The following TRPM4 variants were observed in gnomAD, a reference collection of about 807,000 sequenced individuals.
The protein encoded by TRPM4 is calcium-activated non-selective cation channel 1.
A neutral mutation model predicts 135.6 loss-of-function variants in TRPM4; 124 were observed. The ratio of observed to expected loss-of-function variants is 0.91; its 90% CI spans 0.79 to 1.06. The LOEUF (loss-of-function observed/expected upper bound fraction) is 1.06. Among genes scored for constraint, TRPM4 ranks in the 50% least tolerant of loss-of-function variants. The pLI, the probability that TRPM4 is intolerant of heterozygous loss-of-function variation, is 0.00. For missense variants in TRPM4, 1,658 were observed against 1,671.4 expected, an observed-to-expected ratio of 0.99 and a Z score of 0.14; for synonymous variants, 745 against 705.6, an observed-to-expected ratio of 1.06 and a Z score of -0.88.
chr19:49,178,979 C>T (rs1967810319), intron 9 of TRPM4, among the ~76,000 whole-genome samples: 1 of 151,608 alleles, frequency 6.6e-6, no homozygotes, highest in Non-Finnish European at 1.5e-5. Flanking sequence ...AGGGTGGTCT[C>T]GATCTCTTGA....
At position 49,166,234 on chromosome 19, in the gene TRPM4, G is replaced by A; in HGVS notation, c.267+19G>A. On this transcript the variant is annotated intron_variant, in intron 3 of 24. Transcript: ENST00000252826. ...CAGCAATGTGAGGCGGGCCTCTGTG[G>A]GCGGGGCCCGGGCACCAGGGGGCTG... 6.3e-7 allele frequency: 1 copy of A among 1,578,330 alleles called. No homozygotes were observed. Among genetic ancestry groups the A allele is most frequent in the Non-Finnish European group, 8.6e-7 (1 of 1,163,194 alleles).
At chr19:49,178,689 G>A (rs1459371649) in intron 9 of TRPM4, among the ~76,000 whole-genome samples, 1 of 152,134 alleles carries the variant, frequency 6.6e-6, no homozygotes, top group Non-Finnish European at 1.5e-5. Context: ...CCAGGGTCGA[G>A]TGCCCAGGTG....
rs182060421 is a variant in TRPM4 at position 49,190,487 on chromosome 19, G to C, written c.2132+167G>C. ...GGAGTGCTGTGGGAGGTGAGTTTTG[G>C]GGGGGATCCTCCCTGTGGTATCTCT... On this transcript the variant is annotated intron_variant, in intron 15 of 24. Transcript: ENST00000252826. Among the ~76,000 whole-genome samples, 638 of 126,014 alleles carry C rather than the reference G, an allele frequency of 5.1e-3. 2 individuals are homozygous for C. Among genetic ancestry groups the C allele is most frequent in the Middle Eastern group, 0.021 (5 of 236 alleles). The allele number at this position is 126,014 out of a possible 152,430, so 82.7% of individuals were successfully genotyped here.
chr19:49,195,617 G>T (rs1968601463), intron 16 of TRPM4, among the ~76,000 whole-genome samples: 1 of 151,566 alleles, frequency 6.6e-6, no homozygotes, highest in South Asian at 2.1e-4. Context: ...TGATCTGCCT[G>T]CCTCGGCCTC....
In TRPM4 at chr19:49,196,860, G is replaced by T; in HGVS notation, c.2631G>T (p.Leu877=). The part of the protein sequence containing the change: ...CDLVALTCFL[L]GVGCRLTPGL... ...TAGTGGCTCTCACCTGCTTCCTCCT[G>T]GGCGTGGGCTGCCGGTGAGTGCCCC... Residue 877 remains leucine (L), a synonymous_variant, in exon 17 of 25, where the codon CTG becomes CTT. Transcript: ENST00000252826. 6.3e-7 allele frequency: 1 copy of T among 1,583,656 alleles called. No individual in the cohort carries two copies. The highest frequency in any genetic ancestry group is 2.3e-5 in the East Asian group (1 of 43,930).
In TRPM4 at chr19:49,181,452, C is replaced by G. The variant is rs775519334; in HGVS notation, c.1254C>G (p.Ile418Met). 2.6e-5 allele frequency: 42 copies of G among 1,612,782 alleles called. No homozygotes were observed. The highest frequency in any genetic ancestry group is 3.5e-5 in the Non-Finnish European group (41 of 1,179,622). Reference sequence around the variant, plus strand: ...AGAGTGAACTCTTTCGGGGGGACATCCAATGGCGGGTGAGGGGTCAGGGCC... The same window carrying G: ...AGAGTGAACTCTTTCGGGGGGACATGCAATGGCGGGTGAGGGGTCAGGGCC... Reference protein sequence around the residue: ...IAQSELFRGDIQWRSFHLEAS... With the variant: ...IAQSELFRGDMQWRSFHLEAS... Residue 418 changes from isoleucine to methionine, a missense_variant, in exon 10 of 25, where the codon ATC (isoleucine) becomes ATG (methionine). Around this residue, in one of 3 missense-constraint regions of TRPM4, gnomAD observed 1,412 missense variants for 1,408.7 expected, o/e 1.00. Transcript: ENST00000252826.
At position 49,166,146 on chromosome 19, in the gene TRPM4, C is replaced by T. The variant is rs578008847; in HGVS notation, c.198C>T (p.His66=). Residue 66 remains histidine (H), a synonymous_variant, in exon 3 of 25, where the codon CAC becomes CAT. Coordinates refer to ENST00000252826, the MANE Select transcript of TRPM4 (RefSeq NM_017636.4). ...TGACCGTGTGGGACAGCGATGCACA[C>T]ACCACGGAGAAGCCCACCGATGCCT... The part of the protein sequence containing the change: ...AVVTVWDSDA[H]TTEKPTDAYG... 24 of 1,608,394 alleles carry T rather than the reference C, an allele frequency of 1.5e-5. No homozygotes were observed. The South Asian group carries it at 2.1e-4, about 14-fold the overall frequency.
chr19:49,185,323 A>C (rs538517431), intron 12 of TRPM4, among the ~76,000 whole-genome samples: 1 of 152,224 alleles, frequency 6.6e-6, no homozygotes, highest in South Asian at 2.1e-4. Flanking sequence ...ACCAAAGTTC[A>C]CTGCAACCTT....
chr19:49,204,864 TA>T (rs1222567632), intron 20 of TRPM4, among the ~76,000 whole-genome samples: 2 of 149,820 alleles, frequency 1.3e-5, no homozygotes, highest in African/African-American at 4.9e-5. Context: ...GCCCAGCGGC[TA>T]TTTTTTTTTT....
intron 9 of TRPM4, among the ~76,000 whole-genome samples, chr19:49,180,551 A>T (rs1967878220): frequency 6.7e-6 from 1 of 149,790 alleles, no homozygotes; most frequent in African/African-American, 2.5e-5. Context: ...CATACCTCCC[A>T]GTCCTGGTGG....
chr19:49,188,615 C>G (rs561734128), intron 12 of TRPM4, 26 bp from the exon 13 acceptor site: 2 of 1,614,190 alleles, frequency 1.2e-6, no homozygotes, highest in Non-Finnish European at 1.7e-6. Flanking sequence ...CTCTTTGACG[C>G]ATCCGTGCCC....
chr19:49,182,814 C>G lies in TRPM4; in HGVS notation c.1500C>G (p.Pro500=). Residue 500 remains proline (P), a synonymous_variant, in exon 11 of 25, where the codon CCC becomes CCG. Transcript: ENST00000252826. ...ALKGGAAELR[P]PDVGHVLRML... is the part of the protein sequence containing the mutation. The stretch of plus-strand genomic sequence containing the variant: ...AAGGGGGAGCTGCGGAGCTCCGGCC[C>G]CCTGACGTGGGGCATGTGCTGAGGA... The G allele has an allele frequency of 6.2e-7, 1 of 1,613,386 alleles. No homozygotes were observed. The highest frequency in any genetic ancestry group is 2.2e-5 in the East Asian group (1 of 44,872).
intron 9 of TRPM4, among the ~76,000 whole-genome samples, chr19:49,172,545 C>T (rs1188030295): frequency 2.7e-5 from 4 of 148,270 alleles, no homozygotes; most frequent in South Asian, 2.2e-4. Context: ...TCCATTCAGT[C>T]ATTCTTCCAT....
At position 49,182,814 on chromosome 19, in the gene TRPM4, C is replaced by A; in HGVS notation, c.1500C>A (p.Pro500=). Residue 500 remains proline, a synonymous_variant, in exon 11 of 25, where the codon CCC becomes CCA. Transcript: ENST00000252826. Reference sequence around the variant, plus strand: ...AAGGGGGAGCTGCGGAGCTCCGGCCCCCTGACGTGGGGCATGTGCTGAGGA... The same window carrying A: ...AAGGGGGAGCTGCGGAGCTCCGGCCACCTGACGTGGGGCATGTGCTGAGGA... The part of the protein sequence containing the change: ...ALKGGAAELR[P]PDVGHVLRML... 1.2e-6 allele frequency: 2 copies of A among 1,613,386 alleles called. No homozygotes were observed. The highest frequency in any genetic ancestry group is 1.7e-6 in the Non-Finnish European group (2 of 1,179,800).
At chr19:49,189,117 C>T in intron 14 of TRPM4, 26 bp downstream of exon 14, 1 of 1,613,788 alleles carries the variant, frequency 6.2e-7, no homozygotes, top group Non-Finnish European at 8.5e-7. Context: ...ACCAACATCC[C>T]AAACAGTCTC....
chr19:49,204,648 G>A (rs1431740715), intron 20 of TRPM4, among the ~76,000 whole-genome samples: 1 of 151,944 alleles, frequency 6.6e-6, no homozygotes, highest in Non-Finnish European at 1.5e-5. Flanking sequence ...TCCCACCTCA[G>A]CCTCCCAAGT....
chr19:49,181,497 C>T, intron 10 of TRPM4, 36 bp downstream of exon 10: 1 of 1,132,274 alleles, frequency 8.8e-7, no homozygotes. Context: ...GGCATACTGA[C>T]AAAGGGACTG....
intron 16 of TRPM4, among the ~76,000 whole-genome samples, chr19:49,191,195 A>G (rs1003348345): frequency 6.6e-6 from 1 of 151,740 alleles, no homozygotes; most frequent in South Asian, 2.1e-4. Flanking sequence ...TAGGGATTAC[A>G]TTTCTTTGTT....
chr19:49,185,742 TTC>T (rs953144511), intron 12 of TRPM4, among the ~76,000 whole-genome samples: 37 of 152,134 alleles, frequency 2.4e-4, no homozygotes, highest in South Asian at 2.3e-3. Flanking sequence ...CTTTTCTTTT[TTC>T]TTTTTCTTTT....
Sources: gnomAD v4.1 joint callset for allele counts (sites outside exome capture counted in the v4.1 genomes callset) on GRCh38, gnomAD v4.1.1 for gene constraint, gnomAD v4.1.1 regional missense constraint, MANE v1.5 for transcripts, NCBI Gene and HGNC (gene_info 2026-07-23, HGNC 2026-07-21) for gene names.